STS: variants seen among roughly 807,000 people sequenced by gnomAD.
STS encodes steroid sulfatase.
A neutral mutation model predicts 26.8 loss-of-function variants in STS; 7 were observed. The observed-to-expected ratio is 0.26, with a 90% CI of 0.15 to 0.49. The LOEUF (loss-of-function observed/expected upper bound fraction) is 0.49. Among genes scored for constraint, STS ranks in the 20% least tolerant of loss-of-function variants. STS has a pLI of 0.98. For missense variants in STS, 434 were observed against 465.6 expected (o/e 0.93, Z 0.63); for synonymous variants, 199 against 189.4 (o/e 1.05, Z -0.42).
chrX:7,310,619 A>T (rs1214274734), intron 8 of STS, among the ~76,000 whole-genome samples: 1 of 111,737 alleles, frequency 8.9e-6, no homozygotes, highest in Non-Finnish European at 1.9e-5. Flanking sequence ...CTCTCTTTGC[A>T]TGAGGAGTTG....
intron 7 of STS, among the ~76,000 whole-genome samples, chrX:7,291,013 G>A (rs185221711): frequency 1.8e-5 from 2 of 111,657 alleles, no homozygotes; most frequent in East Asian, 5.6e-4. Context: ...GGAGCAAATG[G>A]CCATAGCTCT....
chrX:7,251,992 A>C (rs956332872), intron 2 of STS, among the ~76,000 whole-genome samples: 1 of 110,892 alleles, frequency 9.0e-6, no homozygotes, highest in Admixed American at 9.7e-5. Flanking sequence ...AAAATTACTT[A>C]ATAGAACAAA....
At chrX:7,202,896 C>G (rs1039437117) in intron 2 of STS, among the ~76,000 whole-genome samples, 38 of 110,632 alleles carry the variant, frequency 3.4e-4, no homozygotes, top group Admixed American at 6.7e-4. Context: ...CCCTCTCTAT[C>G]TCTATCTCTG....
intron 1 of STS, among the ~76,000 whole-genome samples, chrX:7,169,929 C>T (rs1395328001): frequency 4.5e-5 from 5 of 110,126 alleles, no homozygotes; most frequent in Non-Finnish European, 9.5e-5. Flanking sequence ...TTCCCAGAAA[C>T]GGCACCACAG....
chrX:7,256,125 G>A (rs768624209), intron 3 of STS, among the ~76,000 whole-genome samples: 9 of 112,189 alleles, frequency 8.0e-5, no homozygotes, highest in African/African-American at 2.6e-4. Context: ...GGAACTGAAG[G>A]ATGGCAGATG....
chrX:7,198,248 G>T (rs1934006732), intron 2 of STS, among the ~76,000 whole-genome samples: 2 of 111,251 alleles, frequency 1.8e-5, no homozygotes, highest in Non-Finnish European at 3.8e-5. Flanking sequence ...AGTGAGGAAT[G>T]CTGATTGGTC....
intron 2 of STS, among the ~76,000 whole-genome samples, chrX:7,204,505 C>G (rs369144808): frequency 6.2e-5 from 6 of 96,823 alleles, no homozygotes; most frequent in African/African-American, 2.3e-4. Flanking sequence ...TCCTCCCTCC[C>G]TCCTTTCCTC....
intron 9 of STS, among the ~76,000 whole-genome samples, chrX:7,332,987 T>G (rs1295228523): frequency 8.9e-6 from 1 of 112,055 alleles, no homozygotes; most frequent in Non-Finnish European, 1.9e-5. Flanking sequence ...ATAATTACAT[T>G]ATAGGTTTTT....
intron 8 of STS, 70 bp from the exon 9 acceptor site, chrX:7,325,269 G>GTCCAT (rs1927368061): frequency 2.7e-6 from 3 of 1,106,786 alleles, no homozygotes; most frequent in Non-Finnish European, 3.7e-6. Flanking sequence ...GCACGAAAGA[G>GTCCAT]TCCATTGAAG....
At chrX:7,304,141 A>G (rs1295884541) in intron 7 of STS, among the ~76,000 whole-genome samples, 3 of 111,636 alleles carry the variant, frequency 2.7e-5, no homozygotes, top group African/African-American at 9.8e-5. Context: ...TGAGTTTTCA[A>G]TCAGATTTAA....
intron 6 of STS, among the ~76,000 whole-genome samples, chrX:7,269,453 A>G (rs774696273): frequency 5.5e-5 from 6 of 108,238 alleles, no homozygotes; most frequent in South Asian, 4.2e-4. Flanking sequence ...ATTGAAAGCT[A>G]CCTCTTTCTG....
At chrX:7,346,860 G>T (rs1047160732) in intron 10 of STS, among the ~76,000 whole-genome samples, 1 of 111,176 alleles carries the variant, frequency 9.0e-6, no homozygotes, top group Non-Finnish European at 1.9e-5. Flanking sequence ...TTGAGCCCAG[G>T]AGTTCGAGAC....
intron 3 of STS, among the ~76,000 whole-genome samples, chrX:7,256,372 C>T (rs772803410): frequency 8.9e-6 from 1 of 111,831 alleles, no homozygotes; most frequent in African/African-American, 3.3e-5. Context: ...ATGTGGGGGT[C>T]GCAGCATCTA....
intron 6 of STS, among the ~76,000 whole-genome samples, chrX:7,274,558 A>G (rs1924438505): frequency 8.9e-6 from 1 of 112,217 alleles, no homozygotes; most frequent in Non-Finnish European, 1.9e-5. Flanking sequence ...AGAAGCACCC[A>G]TGGGACTTAT....
intron 2 of STS, among the ~76,000 whole-genome samples, chrX:7,243,722 G>A (rs1181217392): frequency 9.0e-6 from 1 of 111,557 alleles, no homozygotes; most frequent in East Asian, 2.8e-4. Context: ...GAAAAGGGAG[G>A]GAGGTGAGAG....
intron 2 of STS, among the ~76,000 whole-genome samples, chrX:7,192,128 A>T (rs1659864418): frequency 8.9e-6 from 1 of 111,758 alleles, no homozygotes; most frequent in Admixed American, 9.4e-5. Context: ...CTTTTGGAGG[A>T]GATATTTGGT....
At chrX:7,315,105 AG>A (rs1428249153) in intron 8 of STS, among the ~76,000 whole-genome samples, 4 of 112,317 alleles carry the variant, frequency 3.6e-5, no homozygotes, top group African/African-American at 1.3e-4. Flanking sequence ...TTTTTCCCAC[AG>A]TAATACGCTT....
chrX:7,303,374 TA>T lies in STS; in HGVS notation c.944-1671del, dbSNP rs1233733403. ...CTAATACAGCAGGTTACTAAACCAG[TA>T]CAAAAAATAGCTTGAGAGAGCTCGG... On this transcript the variant is annotated intron_variant, in intron 7 of 10. Transcript: ENST00000674429. 1.8e-4 allele frequency among the ~76,000 whole-genome samples: 20 copies of T among 110,920 alleles called. 1 individual carries two copies.
At chrX:7,305,483 C>G (rs763045961) in intron 8 of STS, among the ~76,000 whole-genome samples, 3 of 111,813 alleles carry the variant, frequency 2.7e-5, no homozygotes, top group Admixed American at 9.5e-5. Flanking sequence ...GTGTAGATTT[C>G]CTGTCACTAC....
Sources: allele counts gnomAD v4.1 joint callset (sites outside exome capture counted in the v4.1 genomes callset), GRCh38; gene constraint gnomAD v4.1.1; transcripts MANE v1.5; gene names NCBI Gene and HGNC (gene_info 2026-07-23, HGNC 2026-07-21).